TMEM108: variants seen among roughly 807,000 people sequenced by gnomAD.
TMEM108 encodes transmembrane protein 108.
In TMEM108, 12 loss-of-function variants were observed where a neutral mutation model predicts 35.1. The ratio of observed to expected loss-of-function variants is 0.34; its 90% confidence interval spans 0.22 to 0.55. The LOEUF is 0.55. TMEM108 is among the 20% of genes least tolerant of loss of function. The pLI is 0.89. For synonymous variants in TMEM108, 287 were observed against 308.6 expected, an observed-to-expected ratio of 0.93 and a Z score of 0.73; for missense variants, 680 against 753.3, an observed-to-expected ratio of 0.90 and a Z score of 1.14.
chr3:133,207,520 T>G (rs1945775182), intron 2 of TMEM108, among the ~76,000 whole-genome samples: 1 of 152,150 alleles, frequency 6.6e-6, no homozygotes, highest in Admixed American at 6.6e-5. Context: ...GTATTGGCTA[T>G]CATCGTAAAG....
intron 3 of TMEM108, among the ~76,000 whole-genome samples, chr3:133,240,431 C>T (rs146725391): frequency 1.7e-4 from 26 of 152,154 alleles, no homozygotes. Flanking sequence ...TCATTGTAAA[C>T]AATGCCAATG....
chr3:133,079,576 A>G (rs1943784761), intron 2 of TMEM108, among the ~76,000 whole-genome samples: 1 of 152,164 alleles, frequency 6.6e-6, no homozygotes, highest in Non-Finnish European at 1.5e-5. Flanking sequence ...TCCCTCTTAC[A>G]AGGGCACTCA....
intron 3 of TMEM108, among the ~76,000 whole-genome samples, chr3:133,350,951 G>T (rs937144251): frequency 1.3e-5 from 2 of 152,144 alleles, no homozygotes; most frequent in South Asian, 2.1e-4. Context: ...TTGACATCCA[G>T]GATTCCCTAA....
intron 2 of TMEM108, among the ~76,000 whole-genome samples, chr3:133,177,114 A>T (rs1945244141): frequency 6.6e-6 from 1 of 152,236 alleles, no homozygotes; most frequent in Admixed American, 6.5e-5. Flanking sequence ...AGACTAAACC[A>T]GGAAGAAGTT....
At chr3:133,372,145 G>A (rs181831916) in intron 3 of TMEM108, among the ~76,000 whole-genome samples, 79 of 152,282 alleles carry the variant, frequency 5.2e-4, no homozygotes, top group Admixed American at 4.6e-4. Flanking sequence ...GCTGCATTTG[G>A]GGAAAGATTT....
At chr3:133,107,543 G>A (rs1944169379) in intron 2 of TMEM108, among the ~76,000 whole-genome samples, 1 of 151,858 alleles carries the variant, frequency 6.6e-6, no homozygotes, top group Non-Finnish European at 1.5e-5. Flanking sequence ...GCAGGGAAAA[G>A]TGTGTAGTGG....
At chr3:133,270,064 C>A (rs1317759159) in intron 3 of TMEM108, among the ~76,000 whole-genome samples, 4 of 152,144 alleles carry the variant, frequency 2.6e-5, no homozygotes, top group Admixed American at 1.3e-4. Flanking sequence ...TAATAGGCAT[C>A]ATATCCCCAT....
intron 2 of TMEM108, among the ~76,000 whole-genome samples, chr3:133,108,381 A>AT (rs1463311780): frequency 6.6e-6 from 1 of 152,002 alleles, no homozygotes; most frequent in Non-Finnish European, 1.5e-5. Context: ...GATGATGAGC[A>AT]TTTTTTCATG....
intron 3 of TMEM108, among the ~76,000 whole-genome samples, chr3:133,272,269 G>A (rs573493078): frequency 5.9e-5 from 8 of 136,398 alleles, no homozygotes; most frequent in South Asian, 2.6e-4. Context: ...CACCATACAC[G>A]TACGTGTGTG....
chr3:133,257,637 A>C (rs1946566678), intron 3 of TMEM108, among the ~76,000 whole-genome samples: 1 of 152,208 alleles, frequency 6.6e-6, no homozygotes, highest in Admixed American at 6.5e-5. Flanking sequence ...GACTAATATT[A>C]AAAACTTAGA....
chr3:133,046,710 CT>C (rs1408398604), intron 2 of TMEM108, among the ~76,000 whole-genome samples: 2 of 152,170 alleles, frequency 1.3e-5, no homozygotes, highest in African/African-American at 4.8e-5. Context: ...GAGAAATTAA[CT>C]GTTTGGTGTG....
At chr3:133,046,147 T>C (rs1943337543) in intron 2 of TMEM108, 127 bp downstream of exon 2, 1 of 152,652 alleles carries the variant, frequency 6.6e-6, no homozygotes, top group Non-Finnish European at 1.5e-5. Context: ...TAAAAGCCTT[T>C]ATTGATTCAA....
At chr3:133,203,462 C>A (rs750579821) in intron 2 of TMEM108, among the ~76,000 whole-genome samples, 4 of 152,148 alleles carry the variant, frequency 2.6e-5, no homozygotes, top group Admixed American at 2.0e-4. Flanking sequence ...TTTTGAGATA[C>A]GTTCCATTAA....
At chr3:133,378,454 C>G (rs949457411) in intron 3 of TMEM108, 24 of 985,430 alleles carry the variant, frequency 2.4e-5, no homozygotes, top group Non-Finnish European at 2.9e-5. Context: ...TAATTAGACG[C>G]AGACAGAGAT....
intron 3 of TMEM108, among the ~76,000 whole-genome samples, chr3:133,232,137 G>A (rs1320140827): frequency 6.6e-6 from 1 of 152,188 alleles, no homozygotes; most frequent in Non-Finnish European, 1.5e-5. Context: ...TGTTAGATGA[G>A]TGCTGGGGTT....
chr3:133,046,521 A>G (rs1055405538), intron 2 of TMEM108, among the ~76,000 whole-genome samples: 5 of 152,246 alleles, frequency 3.3e-5, no homozygotes, highest in Non-Finnish European at 7.3e-5. Context: ...TAATAGCACT[A>G]GCAAAGTACA....
At chr3:133,189,302 AGAG>A (rs1171352533) in intron 2 of TMEM108, among the ~76,000 whole-genome samples, 1 of 152,216 alleles carries the variant, frequency 6.6e-6, no homozygotes, top group Non-Finnish European at 1.5e-5. Flanking sequence ...CTTTACATAG[AGAG>A]GAGGACTTTC....
At chr3:133,190,194 T>C (rs1010086021) in intron 2 of TMEM108, among the ~76,000 whole-genome samples, 7 of 152,194 alleles carry the variant, frequency 4.6e-5, no homozygotes, top group African/African-American at 1.7e-4. Flanking sequence ...TGCAATTTTG[T>C]GAATGTGGAA....
chr3:133,293,537 T>G (rs1226603175), intron 3 of TMEM108, among the ~76,000 whole-genome samples: 1 of 151,878 alleles, frequency 6.6e-6, no homozygotes, highest in East Asian at 1.9e-4. Flanking sequence ...CATTCCTGGA[T>G]TCGAGTGGAT....
Sources: allele counts gnomAD v4.1 joint callset (sites outside exome capture counted in the v4.1 genomes callset), GRCh38; gene constraint gnomAD v4.1.1; transcripts MANE v1.5; gene names NCBI Gene and HGNC (gene_info 2026-07-23, HGNC 2026-07-21).